The following ATP2C2 variants were observed in gnomAD, a reference collection of about 807,000 sequenced individuals.
The protein encoded by ATP2C2 is calcium-transporting ATPase type 2C member 2.
ATP2C2 carries 171 observed loss-of-function variants against 110.8 expected under a neutral mutation model. That is an observed-to-expected ratio of 1.54 (90% CI 1.36 to 1.75). The LOEUF (loss-of-function observed/expected upper bound fraction) is 1.75, where lower values mean the gene tolerates loss of function less well. Ranked by LOEUF, ATP2C2 falls within the 40% of genes most tolerant of loss-of-function variation. ATP2C2 has a pLI of 0.00. For synonymous variants in ATP2C2, 804 were observed against 508.4 expected (o/e 1.58, Z -7.82); for missense variants, 1,963 against 1,235.0 (o/e 1.59, Z -8.84).
chr16:84,413,317 C>T (rs1906552305), intron 6 of ATP2C2, among the ~76,000 whole-genome samples: 1 of 152,124 alleles, frequency 6.6e-6, no homozygotes, highest in Non-Finnish European at 1.5e-5. Context: ...GAGATACGGT[C>T]CCGCGTCTCA....
rs2150566240 is a variant in ATP2C2, at chr16:84,439,300, T to C, written c.1111+10T>C. The C allele has an allele frequency of 6.2e-7, 1 of 1,613,216 alleles. No homozygotes were observed. Among genetic ancestry groups the C allele is most frequent in the Non-Finnish European group, 8.5e-7 (1 of 1,180,022 alleles). On this transcript the variant is annotated intron_variant, in intron 12 of 26. Coordinates refer to ENST00000262429, the MANE Select transcript of ATP2C2 (RefSeq NM_014861.4). Reference sequence around the variant, plus strand: ...ATCGTGGAGACTTTAGGTGAGGGACTCCAGCTGGTGGAATCCTTACACGTG... The same window carrying C: ...ATCGTGGAGACTTTAGGTGAGGGACCCCAGCTGGTGGAATCCTTACACGTG...
chr16:84,391,362 G>A (rs547185306), intron 1 of ATP2C2, among the ~76,000 whole-genome samples: 1 of 152,162 alleles, frequency 6.6e-6, no homozygotes, highest in Non-Finnish European at 1.5e-5. Context: ...TTCTGTGGAC[G>A]CACATACATG....
intron 1 of ATP2C2, among the ~76,000 whole-genome samples, chr16:84,378,078 C>T (rs1253410043): frequency 6.6e-6 from 1 of 152,170 alleles, no homozygotes; most frequent in African/African-American, 2.4e-5. Flanking sequence ...ATCTGCGATT[C>T]CAGAGACCCA....
At chr16:84,375,272 T>C (rs1391875738) in intron 1 of ATP2C2, among the ~76,000 whole-genome samples, 1 of 152,186 alleles carries the variant, frequency 6.6e-6, no homozygotes, top group Non-Finnish European at 1.5e-5. Context: ...CCCGGCGCAG[T>C]GGGTCACGCC....
Position 84,464,043 on chromosome 16 carries a change from G to A in ATP2C2, c.*311G>A, listed in dbSNP as rs549532438. On this transcript the variant is annotated 3_prime_UTR_variant, in exon 27 of 27. Coordinates refer to ENST00000262429, the MANE Select transcript of ATP2C2 (RefSeq NM_014861.4). ...TATCTGTGCCACAGCTTGCAGTGAG[G>A]CAGGCCACTCGTGGCAGATACAAGG... 4.3e-6 allele frequency: 1 copy of A among 231,060 alleles called. No individual in the cohort carries two copies. The highest frequency in any genetic ancestry group is 8.5e-6 in the Non-Finnish European group (1 of 118,318). 14.3% of individuals were successfully genotyped at this position (231,060 alleles called of 1,614,324 possible).
chr16:84,368,751 G>A (rs1181605300), intron 1 of ATP2C2, 37 bp downstream of exon 1: 2 of 1,454,666 alleles, frequency 1.4e-6, no homozygotes, highest in Middle Eastern at 2.1e-4. Context: ...CGTGCGACCC[G>A]ACCCCCCATC....
Position 84,426,704 on chromosome 16 carries a change from G to A in ATP2C2, c.986+903G>A, listed in dbSNP as rs547106185. On this transcript the variant is annotated intron_variant, in intron 11 of 26. Coordinates refer to ENST00000262429, the MANE Select transcript of ATP2C2 (RefSeq NM_014861.4). ...GATACACAGTGCAGAGTGAGTGTTG[G>A]CTCTTAATACTGGTTTACAACTCTA... is the stretch of plus-strand genomic sequence containing the variant. Among the ~76,000 whole-genome samples, 28 of 152,284 alleles carry A rather than the reference G, an allele frequency of 1.8e-4. No homozygotes were observed. In the South Asian group the frequency reaches 5.4e-3, roughly 29 times the overall value.
At chr16:84,408,812 A>T (rs1044891397) in intron 4 of ATP2C2, among the ~76,000 whole-genome samples, 17 of 151,978 alleles carry the variant, frequency 1.1e-4, no homozygotes, top group Admixed American at 9.2e-4. Context: ...CCTTCCGAAG[A>T]ACAACACCTT....
intron 11 of ATP2C2, among the ~76,000 whole-genome samples, chr16:84,435,838 TAA>T (rs1567722505): frequency 8.5e-6 from 1 of 117,470 alleles, no homozygotes; most frequent in Admixed American, 8.5e-5. Flanking sequence ...AAAAAAAAAA[TAA>T]AAAACAGGCA....
chr16:84,461,852 TGTGTTCTCGACAGCA>T (rs774132272), intron 25 of ATP2C2, 40 bp downstream of exon 25: 13 of 1,608,888 alleles, frequency 8.1e-6, no homozygotes, highest in Non-Finnish European at 1.1e-5. Flanking sequence ...AGAGCTGCTG[TGTGTTCTCGACAGCA>T]GCGCCCCGAC....
intron 1 of ATP2C2, among the ~76,000 whole-genome samples, chr16:84,396,678 C>G (rs545711563): frequency 6.6e-6 from 1 of 151,532 alleles, no homozygotes; most frequent in East Asian, 1.9e-4. Flanking sequence ...CTGTGGTGTG[C>G]GCAAGAATCA....
intron 15 of ATP2C2, among the ~76,000 whole-genome samples, chr16:84,443,286 C>T (rs1469190310): frequency 6.6e-6 from 1 of 152,190 alleles, no homozygotes; most frequent in African/African-American, 2.4e-5. Flanking sequence ...CCCCGGTCAG[C>T]TCCCACGTCT....
At chr16:84,397,662 A>AAAAAAAAAAAAAAAAAAAAAC (rs1567694759) in intron 1 of ATP2C2, among the ~76,000 whole-genome samples, 1 of 146,616 alleles carries the variant, frequency 6.8e-6, no homozygotes, top group African/African-American at 2.5e-5. Context: ...TGACAAAAAA[A>AAAAAAAAAAAAAAAAAAAAAC]AAAAAAAAAA....
intron 21 of ATP2C2, among the ~76,000 whole-genome samples, chr16:84,458,497 AAAAAAAAAAAATTTAAAT>A (rs1440919375): frequency 6.0e-4 from 2 of 3,340 alleles, no homozygotes; most frequent in Non-Finnish European, 2.2e-3. Context: ...GAGTATAATA[AAAAAAAAAAAATTTAAAT>A]AAAAAAAAAG....
chr16:84,419,629 C>G (rs914284390), intron 7 of ATP2C2, among the ~76,000 whole-genome samples: 2 of 44,058 alleles, frequency 4.5e-5, no homozygotes, highest in African/African-American at 8.7e-5. Flanking sequence ...TTTTCCAGGT[C>G]TCCTCCCTCC....
chr16:84,430,700 G>C (rs888525175), intron 11 of ATP2C2, among the ~76,000 whole-genome samples: 1 of 151,246 alleles, frequency 6.6e-6, no homozygotes, highest in Non-Finnish European at 1.5e-5. Flanking sequence ...GGAGGGACCA[G>C]GGTCTTTTGG....
intron 11 of ATP2C2, among the ~76,000 whole-genome samples, chr16:84,432,603 C>G (rs1358320250): frequency 6.6e-6 from 1 of 152,086 alleles, no homozygotes. Flanking sequence ...CCACTGCCAC[C>G]TCCATCTCCT....
At chr16:84,461,109 A>C (rs866656041) in intron 24 of ATP2C2, 1 of 370,492 alleles carries the variant, frequency 2.7e-6, no homozygotes, top group Non-Finnish European at 4.9e-6. Context: ...TGTCACCAGG[A>C]AACAATTTGA....
At position 84,462,005 on chromosome 16, in the gene ATP2C2, G is replaced by T. The variant is rs561585105; in HGVS notation, c.2598G>T (p.Glu866Asp). 3.7e-6 allele frequency: 6 copies of T among 1,613,868 alleles called. No homozygotes were observed. The South Asian group carries it at 5.5e-5, about 15-fold the overall frequency. The stretch of plus-strand genomic sequence containing the variant: ...CCCTGCAGACCAAGCTGATATTTGA[G>T]ATCGGCTTTCTCAGGAACCACATGT... ...TCRSQTKLIF[E>D]IGFLRNHMFL... Residue 866 changes from glutamate (E) to aspartate (D), a missense_variant, in exon 26 of 27, where the codon GAG becomes GAT. Coordinates refer to ENST00000262429, the MANE Select transcript of ATP2C2 (RefSeq NM_014861.4).
Sources: gnomAD v4.1 joint callset for allele counts (sites outside exome capture counted in the v4.1 genomes callset) on GRCh38, gnomAD v4.1.1 for gene constraint, MANE v1.5 for transcripts, NCBI Gene and HGNC (gene_info 2026-07-23, HGNC 2026-07-21) for gene names.